The following ATXN3 variants were observed in gnomAD, a reference collection of about 807,000 sequenced individuals.
ATXN3 encodes ataxin 3.
A neutral mutation model predicts 58.2 loss-of-function variants in ATXN3; 28 were observed. The observed-to-expected ratio is 0.48, with a 90% confidence interval of 0.36 to 0.66. The LOEUF (loss-of-function observed/expected upper bound fraction) is 0.66. ATXN3 is among the 30% of genes least tolerant of loss of function. ATXN3 has a pLI of 0.00. For missense variants in ATXN3, 321 were observed against 422.1 expected (o/e 0.76, Z 2.10); for synonymous variants, 113 against 138.5 (o/e 0.82, Z 1.29).
In ATXN3 at chr14:92,058,900, G is replaced by C. The variant is rs1566889132; in HGVS notation, c.*5420C>G. Reference sequence around the variant, plus strand: ...AAGTTATTCCTAATAGCCCAGTGTTGTAAAAATTAGATAATCACATTTAAA... The same window carrying C: ...AAGTTATTCCTAATAGCCCAGTGTTCTAAAAATTAGATAATCACATTTAAA... On this transcript the variant is annotated 3_prime_UTR_variant, in exon 11 of 11. Coordinates refer to ENST00000644486, the MANE Select transcript of ATXN3 (RefSeq NM_004993.6). 2 of 150,726 alleles carry C rather than the reference G, an allele frequency of 1.3e-5. No homozygotes were observed. Among genetic ancestry groups the C allele is most frequent in the African/African-American group, 2.4e-5 (1 of 40,910 alleles). 9.3% of individuals were successfully genotyped at this position (150,726 alleles called of 1,614,324 possible).
downstream of ATXN3, among the ~76,000 whole-genome samples, chr14:92,054,485 C>T (rs937130107): frequency 6.6e-6 from 1 of 152,338 alleles, no homozygotes; most frequent in South Asian, 2.1e-4. Context: ...TGACAGTTTG[C>T]AAATGCCATG....
intron 6 of ATXN3, among the ~76,000 whole-genome samples, chr14:92,085,916 A>G (rs17127939): frequency 0.28 from 42,993 of 152,116 alleles, 6,417 homozygotes; most frequent in East Asian, 0.44. Flanking sequence ...TGGTGGGCTG[A>G]AGGCCAAAGG....
rs2057425305 is a variant in ATXN3, at chr14:92,045,871, C to G, written n.277-913G>C. ...GACTGATGAGAAGAAGAAAAACTGGCCGTGAGGGACAGAAGTTAGAAAGCT... is the reference window on the plus strand; with the variant it reads ...GACTGATGAGAAGAAGAAAAACTGGGCGTGAGGGACAGAAGTTAGAAAGCT... On this transcript the variant is annotated intron_variant and non_coding_transcript_variant, in intron 2 of 2. Coordinates refer to the ATXN3 transcript ENST00000564606. Among the ~76,000 whole-genome samples the G allele has an allele frequency of 2.0e-5, 3 of 152,254 alleles. No homozygotes were observed. The South Asian group carries it at 6.2e-4, about 32-fold the overall frequency.
chr14:92,104,179 T>C (rs1346739141), intron 1 of ATXN3, among the ~76,000 whole-genome samples: 1 of 152,196 alleles, frequency 6.6e-6, no homozygotes, highest in Admixed American at 6.5e-5. Flanking sequence ...CTCGCTCTGT[T>C]GCCCAGGCTG....
At chr14:92,068,056 G>A (rs970678404) in intron 10 of ATXN3, among the ~76,000 whole-genome samples, 5 of 152,150 alleles carry the variant, frequency 3.3e-5, no homozygotes, top group African/African-American at 1.2e-4. Context: ...GCAACAGTCT[G>A]GATTCTCTAC....
intron 1 of ATXN3, among the ~76,000 whole-genome samples, chr14:92,100,050 A>C (rs988088605): frequency 6.6e-6 from 1 of 152,266 alleles, no homozygotes; most frequent in African/African-American, 2.4e-5. Flanking sequence ...GAGGTACTCA[A>C]CTTTATTAGT....
At chr14:92,072,353 G>A (rs759901587) in intron 9 of ATXN3, among the ~76,000 whole-genome samples, 4 of 152,090 alleles carry the variant, frequency 2.6e-5, no homozygotes, top group Non-Finnish European at 5.9e-5. Context: ...TACTATTTCT[G>A]CTTTTATGTA....
At chr14:92,088,938 T>A in intron 5 of ATXN3, 121 bp from the exon 6 acceptor site, 1 of 642,284 alleles carries the variant, frequency 1.6e-6, no homozygotes, top group South Asian at 2.0e-5. Flanking sequence ...CTGGAAATAT[T>A]TCAAGTTGAG....
At chr14:92,066,405 A>G (rs961053281) in intron 10 of ATXN3, among the ~76,000 whole-genome samples, 11 of 151,886 alleles carry the variant, frequency 7.2e-5, no homozygotes, top group Non-Finnish European at 1.5e-4. Flanking sequence ...GTTTACCCAT[A>G]TTTTACTCTT....
intron 1 of ATXN3, among the ~76,000 whole-genome samples, chr14:92,105,917 T>G (rs568439304): frequency 6.6e-6 from 1 of 152,168 alleles, no homozygotes. Context: ...ACGACTTCCC[T>G]GTTTAGGGGC....
chr14:92,053,306 A>ATTTG, upstream of ATXN3, among the ~76,000 whole-genome samples: 1 of 151,808 alleles, frequency 6.6e-6, no homozygotes, highest in South Asian at 2.1e-4. Flanking sequence ...TTATCTCAGG[A>ATTTG]CCTGTAGGGT....
chr14:92,088,705 T>C (rs745821507), intron 6 of ATXN3, 25 bp downstream of exon 6: 2 of 1,487,556 alleles, frequency 1.3e-6, no homozygotes, highest in Non-Finnish European at 9.4e-7. Context: ...AAGGTAACAT[T>C]ACAAAATGTT....
chr14:92,096,910 A>ATTTTTT, intron 1 of ATXN3, 72 bp from the exon 2 acceptor site: 1 of 1,064,078 alleles, frequency 9.4e-7, no homozygotes, highest in Non-Finnish European at 1.3e-6. Context: ...CCCCTAAATA[A>ATTTTTT]TTTTTTTTTT....
intron 10 of ATXN3, among the ~76,000 whole-genome samples, chr14:92,066,602 T>G (rs12889180): frequency 0.15 from 2,350 of 15,628 alleles, 66 homozygotes; most frequent in South Asian, 0.35. Flanking sequence ...TTTTTTCTTG[T>G]TTTTTTTTTT....
Position 92,047,715 on chromosome 14 carries a change from A to G in ATXN3, n.276+181T>C, listed in dbSNP as rs531214892. Among the ~76,000 whole-genome samples the G allele has an allele frequency of 5.5e-4, 83 of 152,282 alleles. 1 individual carries two copies. In the South Asian group the frequency reaches 0.017, roughly 31 times the overall value. On this transcript the variant is annotated intron_variant and non_coding_transcript_variant, in intron 2 of 2. Transcript: ENST00000564606. ...GGGAACTGGGCAGGTGGGGATAACTAAAAAAGAGTACATAAAAGAATGTTG... is the reference window on the plus strand; with the variant it reads ...GGGAACTGGGCAGGTGGGGATAACTGAAAAAGAGTACATAAAAGAATGTTG...
intron 6 of ATXN3, 54 bp downstream of exon 6, chr14:92,088,676 G>C (rs1032974565): frequency 8.1e-7 from 1 of 1,238,080 alleles, no homozygotes; most frequent in Non-Finnish European, 1.2e-6. Context: ...TAATGTGCCT[G>C]GTTATTTAAC....
intron 1 of ATXN3, among the ~76,000 whole-genome samples, chr14:92,098,816 G>A (rs1356502804): frequency 6.6e-6 from 1 of 152,160 alleles, no homozygotes; most frequent in Non-Finnish European, 1.5e-5. Context: ...GCCAGCAAGA[G>A]GGACTGCACC....
chr14:92,070,596 C>T (rs1270735807), intron 10 of ATXN3: 1 of 559,844 alleles, frequency 1.8e-6, no homozygotes, highest in Non-Finnish European at 2.9e-6. Context: ...GAAAAATATC[C>T]ATGATGTCTA....
At chr14:92,091,450 C>CAAAAA (rs71952634) in intron 5 of ATXN3, among the ~76,000 whole-genome samples, 1 of 82,714 alleles carries the variant, frequency 1.2e-5, no homozygotes, top group Non-Finnish European at 2.5e-5. Flanking sequence ...GAATCCGTCT[C>CAAAAA]AAAAGAAGGA....
Sources: gnomAD v4.1 joint callset for allele counts (sites outside exome capture counted in the v4.1 genomes callset) on GRCh38, gnomAD v4.1.1 for gene constraint, MANE v1.5 for transcripts, NCBI Gene and HGNC (gene_info 2026-07-23, HGNC 2026-07-21) for gene names.